The following ABCA10 variants were observed in gnomAD, a reference collection of about 807,000 sequenced individuals.
ABCA10 encodes ATP-binding cassette sub-family A member 10.
Under a neutral mutation model 187.5 loss-of-function variants are expected in ABCA10, and 169 were observed. The observed-to-expected ratio is 0.90, with a 90% CI of 0.80 to 1.02. ABCA10 has a LOEUF of 1.02. ABCA10 is among the 50% of genes least tolerant of loss of function. The probability of loss-of-function intolerance (pLI) is 0.00; values close to 1 mark genes in which losing one functional copy is unlikely to be tolerated. For synonymous variants in ABCA10, 574 were observed against 601.8 expected, an observed-to-expected ratio of 0.95 and a Z score of 0.68; for missense variants, 1,727 against 1,812.4, an observed-to-expected ratio of 0.95 and a Z score of 0.86.
At chr17:69,190,313 TTC>T (rs754786555) in intron 18 of ABCA10, 43 bp downstream of exon 18, 2 of 1,509,742 alleles carry the variant, frequency 1.3e-6, no homozygotes, top group African/African-American at 2.9e-5. Flanking sequence ...TCTTTTTCTC[TTC>T]TCTTTTTTTT....
chr17:69,217,933 A>G (rs1323694047), intron 6 of ABCA10, among the ~76,000 whole-genome samples: 2 of 152,202 alleles, frequency 1.3e-5, no homozygotes, highest in Non-Finnish European at 2.9e-5. Flanking sequence ...CAGATGCAAC[A>G]TATCAATTAA....
chr17:69,223,968 T>C (rs914002153), intron 3 of ABCA10, among the ~76,000 whole-genome samples: 1 of 151,962 alleles, frequency 6.6e-6, no homozygotes, highest in Non-Finnish European at 1.5e-5. Flanking sequence ...CTTCATGAGT[T>C]CAGAAAAAAT....
chr17:69,195,881 G>A (rs2074496426), intron 11 of ABCA10, among the ~76,000 whole-genome samples: 1 of 152,050 alleles, frequency 6.6e-6, no homozygotes, highest in African/African-American at 2.4e-5. Context: ...TTGGGGGTAA[G>A]GCCATAGATT....
At chr17:69,209,081 T>C (rs921088132) in intron 9 of ABCA10, among the ~76,000 whole-genome samples, 1 of 152,202 alleles carries the variant, frequency 6.6e-6, no homozygotes, top group Non-Finnish European at 1.5e-5. Context: ...GTGTTTTTAA[T>C]GCTCTTGCCA....
In ABCA10 at chr17:69,152,422, T is replaced by C. The variant is rs765154142; in HGVS notation, c.4196A>G (p.Tyr1399Cys). 1 of 1,613,968 alleles carries C rather than the reference T, an allele frequency of 6.2e-7. No homozygotes were observed. The change falls in exon 35 of 39, where the codon TAC becomes TGC. Residue 1399 changes from tyrosine to cysteine, a missense_variant. Transcript: ENST00000690296. ...KERGTLLTTH[Y>C]MSEAEAVCDR... ...ACACACAGCCTCAGCCTCTGACATG[T>C]AATGGGTGGTCAAGAGGGTGCCCCT...
intron 1 of ABCA10, among the ~76,000 whole-genome samples, chr17:69,228,078 T>C (rs2074807440): frequency 6.6e-6 from 1 of 151,868 alleles, no homozygotes; most frequent in South Asian, 2.1e-4. Context: ...CCCTTTTTCA[T>C]AAAATAAAAG....
intron 9 of ABCA10, among the ~76,000 whole-genome samples, chr17:69,211,332 T>TCATATATATACATC (rs1321860699): frequency 8.0e-5 from 9 of 112,140 alleles, no homozygotes; most frequent in African/African-American, 4.9e-4. Context: ...TATATATATA[T>TCATATATATACATC]ATATATATAT....
rs555638573 is a variant in ABCA10, at chr17:69,208,881, T to A, written c.1006+5823A>T. Among the ~76,000 whole-genome samples the A allele has an allele frequency of 1.9e-3, 288 of 152,016 alleles. 1 individual carries two copies. The highest frequency in any genetic ancestry group is 6.3e-3 in the African/African-American group (263 of 41,452). ...GCAAGACCCCACCTCTACAAAAAAA[T>A]TTTTAAAAAAATTAGTCTGGTGTGG... On this transcript the variant is annotated intron_variant, in intron 9 of 38. Coordinates refer to ENST00000690296, the MANE Select transcript of ABCA10 (RefSeq NM_001377321.1).
At chr17:69,235,543 T>G (rs1179295828) in intron 1 of ABCA10, among the ~76,000 whole-genome samples, 1 of 152,172 alleles carries the variant, frequency 6.6e-6, no homozygotes, top group Non-Finnish European at 1.5e-5. Context: ...GTTCATTCAG[T>G]TCTGGCTTCT....
intron 22 of ABCA10, among the ~76,000 whole-genome samples, chr17:69,179,675 C>CT: frequency 6.6e-6 from 1 of 152,140 alleles, no homozygotes; most frequent in African/African-American, 2.4e-5. Context: ...GGAGGTCAAC[C>CT]CATGCTACTT....
rs2074389546 is a variant in ABCA10, at chr17:69,182,685, C to A, written c.2621G>T (p.Gly874Val). The A allele has an allele frequency of 6.3e-7, 1 of 1,598,056 alleles. No individual in the cohort carries two copies. Among genetic ancestry groups the A allele is most frequent in the Non-Finnish European group, 8.5e-7 (1 of 1,175,074 alleles). The change falls in exon 21 of 39, where the codon GGT becomes GTT. Residue 874 changes from glycine to valine, a missense_variant. Coordinates refer to ENST00000690296, the MANE Select transcript of ABCA10 (RefSeq NM_001377321.1). ...PSYNGAIIVSGDQKDYRFSVA... is the reference protein window; with the variant it reads ...PSYNGAIIVSVDQKDYRFSVA... Reference sequence around the variant, plus strand: ...TAGAAGCAAACATACCTTCTGGTCACCAGACACTATGATGGCTCCATTGTA... The same window carrying A: ...TAGAAGCAAACATACCTTCTGGTCAACAGACACTATGATGGCTCCATTGTA...
intron 1 of ABCA10, among the ~76,000 whole-genome samples, chr17:69,239,896 G>A (rs1467564490): frequency 1.3e-5 from 2 of 152,086 alleles, no homozygotes; most frequent in East Asian, 3.8e-4. Flanking sequence ...GTACACCCAC[G>A]CAGGATGCCT....
chr17:69,228,995 G>T (rs1251793903), upstream of ABCA10: 1 of 151,918 alleles, frequency 6.6e-6, no homozygotes, highest in Non-Finnish European at 1.5e-5. Flanking sequence ...AGCTAAAAAA[G>T]GAGCAAATTA....
At chr17:69,217,548 T>A (rs574730118) in intron 6 of ABCA10, among the ~76,000 whole-genome samples, 1 of 152,058 alleles carries the variant, frequency 6.6e-6, no homozygotes, top group Non-Finnish European at 1.5e-5. Context: ...CAAACAGAAA[T>A]ACATCCATGC....
At chr17:69,175,753 C>T in intron 22 of ABCA10, 1 of 287,048 alleles carries the variant, frequency 3.5e-6, no homozygotes, top group Non-Finnish European at 6.6e-6. Context: ...CTCCCGTTTC[C>T]ACAGGGGATA....
chr17:69,201,454 A>G, intron 10 of ABCA10, 46 bp downstream of exon 10: 5 of 1,410,164 alleles, frequency 3.5e-6, no homozygotes, highest in Non-Finnish European at 4.7e-6. Flanking sequence ...TTCATTTACT[A>G]AGCTTTTACC....
At chr17:69,163,670 T>TA (rs776519779) in intron 27 of ABCA10, among the ~76,000 whole-genome samples, 2 of 152,198 alleles carry the variant, frequency 1.3e-5, no homozygotes, top group Non-Finnish European at 2.9e-5. Flanking sequence ...AGAAATAACA[T>TA]TTATATTCGC....
chr17:69,150,102 G>T, intron 36 of ABCA10, 39 bp from the exon 37 acceptor site: 1 of 1,477,274 alleles, frequency 6.8e-7, no homozygotes, highest in Non-Finnish European at 9.4e-7. Flanking sequence ...CTAAGTTTCA[G>T]TGTGATAATA....
intron 9 of ABCA10, among the ~76,000 whole-genome samples, chr17:69,203,945 A>G (rs1486486087): frequency 6.6e-6 from 1 of 152,228 alleles, no homozygotes; most frequent in Non-Finnish European, 1.5e-5. Flanking sequence ...ATATAAATAA[A>G]TTTCACATTC....
Sources: gnomAD v4.1 joint callset for allele counts (sites outside exome capture counted in the v4.1 genomes callset) on GRCh38, gnomAD v4.1.1 for gene constraint, MANE v1.5 for transcripts, NCBI Gene and HGNC (gene_info 2026-07-23, HGNC 2026-07-21) for gene names.